Variants in KCNC2 observed in about 807,000 individuals in gnomAD.
The protein encoded by KCNC2 is potassium voltage-gated channel subfamily C member 2.
A neutral mutation model predicts 44.5 loss-of-function variants in KCNC2; 21 were observed. The ratio of observed to expected loss-of-function variants is 0.47; its 90% CI spans 0.33 to 0.68. The LOEUF (loss-of-function observed/expected upper bound fraction) is 0.68. KCNC2 is among the 30% of genes least tolerant of loss of function. The pLI, the probability that KCNC2 is intolerant of heterozygous loss-of-function variation, is 0.01. For synonymous variants in KCNC2, 391 were observed against 339.1 expected (o/e 1.15, Z -1.68); for missense variants, 589 against 826.2 (o/e 0.71, Z 3.52).
intron 2 of KCNC2, among the ~76,000 whole-genome samples, chr12:75,199,980 T>A (rs2031102302): frequency 1.3e-5 from 2 of 151,822 alleles, no homozygotes; most frequent in African/African-American, 4.8e-5. Flanking sequence ...AAGCAGGCTA[T>A]TTTTAAGGCT....
chr12:75,114,444 C>G (rs1410263814), intron 2 of KCNC2, among the ~76,000 whole-genome samples: 1 of 152,140 alleles, frequency 6.6e-6, no homozygotes, highest in Non-Finnish European at 1.5e-5. Context: ...AAGCACTATG[C>G]TAGTAACAGA....
chr12:75,187,378 A>G (rs117542446), intron 2 of KCNC2, among the ~76,000 whole-genome samples: 1,653 of 152,338 alleles, frequency 0.011, 12 homozygotes, highest in Middle Eastern at 0.034. Flanking sequence ...GTTGGAACTT[A>G]CTTCAAATGA....
chr12:75,078,155 G>T (rs1884163980), intron 2 of KCNC2, among the ~76,000 whole-genome samples: 1 of 151,934 alleles, frequency 6.6e-6, no homozygotes, highest in Non-Finnish European at 1.5e-5. Flanking sequence ...TAGAAATATT[G>T]GTCAAAAGAC....
intron 2 of KCNC2, among the ~76,000 whole-genome samples, chr12:75,087,431 A>G (rs1311851411): frequency 6.6e-6 from 1 of 152,120 alleles, no homozygotes; most frequent in African/African-American, 2.4e-5. Flanking sequence ...TGATGCTCTT[A>G]GCAATCTTAT....
intron 2 of KCNC2, among the ~76,000 whole-genome samples, chr12:75,123,422 T>C (rs1044461826): frequency 6.6e-6 from 1 of 152,126 alleles, no homozygotes; most frequent in Non-Finnish European, 1.5e-5. Flanking sequence ...AAACAAACAG[T>C]TTGGTATCCA....
At chr12:75,096,454 G>A (rs1455473144) in intron 2 of KCNC2, among the ~76,000 whole-genome samples, 1 of 151,878 alleles carries the variant, frequency 6.6e-6, no homozygotes, top group Non-Finnish European at 1.5e-5. Flanking sequence ...ATACTCTTCT[G>A]CTAAAAATGG....
intron 2 of KCNC2, among the ~76,000 whole-genome samples, chr12:75,181,204 G>A (rs1002493986): frequency 6.6e-6 from 1 of 152,008 alleles, no homozygotes; most frequent in African/African-American, 2.4e-5. Flanking sequence ...ACAAGGTTGA[G>A]AACTTCGTTG....
At chr12:75,161,667 G>T (rs1361586260) in intron 2 of KCNC2, among the ~76,000 whole-genome samples, 1 of 151,626 alleles carries the variant, frequency 6.6e-6, no homozygotes. Context: ...GCACAGCTTG[G>T]CCACTGCCCA....
intron 2 of KCNC2, among the ~76,000 whole-genome samples, chr12:75,114,217 A>G (rs930349313): frequency 6.6e-6 from 1 of 152,256 alleles, no homozygotes; most frequent in South Asian, 2.1e-4. Context: ...AGACCCAGAA[A>G]CAATTATGGA....
At chr12:75,087,270 T>C (rs901010448) in intron 2 of KCNC2, among the ~76,000 whole-genome samples, 2 of 152,092 alleles carry the variant, frequency 1.3e-5, no homozygotes, top group Non-Finnish European at 2.9e-5. Flanking sequence ...TCAGAACTCA[T>C]TGAAAGCAGT....
chr12:75,075,859 T>C (rs543032802), intron 2 of KCNC2, among the ~76,000 whole-genome samples: 1 of 152,284 alleles, frequency 6.6e-6, no homozygotes, highest in South Asian at 2.1e-4. Context: ...AATAAATTCA[T>C]AAATTCCTAT....
At chr12:75,078,864 A>T (rs961547352) in intron 2 of KCNC2, among the ~76,000 whole-genome samples, 1 of 152,200 alleles carries the variant, frequency 6.6e-6, no homozygotes, top group African/African-American at 2.4e-5. Flanking sequence ...TTCTTTGAAG[A>T]CATCAAATTA....
rs1255617941 is a variant in KCNC2, at chr12:75,164,830, T to A, written c.687+42467A>T. Among the ~76,000 whole-genome samples the A allele has an allele frequency of 2.0e-5, 3 of 151,712 alleles. No individual in the cohort carries two copies. In the South Asian group the frequency reaches 6.2e-4, roughly 31 times the overall value. On this transcript the variant is annotated intron_variant, in intron 2 of 4. Transcript: ENST00000549446. The stretch of plus-strand genomic sequence containing the variant: ...TAAAACTTTCTGCATTTGCATAAAT[T>A]ATTCAAAATAGAATTAAAATTTATT...
At chr12:75,181,638 A>C (rs1892581834) in intron 2 of KCNC2, among the ~76,000 whole-genome samples, 1 of 152,188 alleles carries the variant, frequency 6.6e-6, no homozygotes, top group Admixed American at 6.5e-5. Context: ...ATAAGAGTAT[A>C]ATGTCCAAAA....
At chr12:75,150,654 A>G (rs1490700623) in intron 2 of KCNC2, among the ~76,000 whole-genome samples, 2 of 151,914 alleles carry the variant, frequency 1.3e-5, no homozygotes, top group East Asian at 3.9e-4. Flanking sequence ...CATCTCAAAC[A>G]TATATCTGCC....
chr12:75,157,714 A>G (rs914649901), intron 2 of KCNC2, among the ~76,000 whole-genome samples: 63 of 152,006 alleles, frequency 4.1e-4, no homozygotes, highest in African/African-American at 1.5e-3. Flanking sequence ...TTCCTTAGAG[A>G]AAAGGAATTT....
intron 2 of KCNC2, among the ~76,000 whole-genome samples, chr12:75,187,434 T>C (rs759823724): frequency 7.9e-5 from 12 of 152,248 alleles, no homozygotes; most frequent in Non-Finnish European, 1.6e-4. Flanking sequence ...ATTACAGTTA[T>C]AGGATATGCT....
chr12:75,162,537 C>G (rs922550304), intron 2 of KCNC2, among the ~76,000 whole-genome samples: 1 of 151,728 alleles, frequency 6.6e-6, no homozygotes, highest in South Asian at 2.1e-4. Flanking sequence ...GTCAGACTGT[C>G]AGAGGCTGTG....
intron 2 of KCNC2, among the ~76,000 whole-genome samples, chr12:75,175,149 G>A (rs6582279): frequency 0.33 from 49,498 of 151,616 alleles, 8,430 homozygotes; most frequent in African/African-American, 0.43. Flanking sequence ...ACTTCCAAAA[G>A]CACCCCTAAG....
Sources: gnomAD v4.1 joint callset for allele counts (sites outside exome capture counted in the v4.1 genomes callset) on GRCh38, gnomAD v4.1.1 for gene constraint, MANE v1.5 for transcripts, NCBI Gene and HGNC (gene_info 2026-07-23, HGNC 2026-07-21) for gene names.